IGF2BP2: variants seen among roughly 807,000 people sequenced by gnomAD.
IGF2BP2 encodes insulin like growth factor 2 mRNA binding protein 2.
IGF2BP2 carries 17 observed loss-of-function variants against 75.8 expected under a neutral mutation model. The ratio of observed to expected loss-of-function variants is 0.22; its 90% confidence interval spans 0.15 to 0.34. IGF2BP2 has a LOEUF of 0.34. Among genes scored for constraint, IGF2BP2 ranks in the 10% least tolerant of loss-of-function variants. IGF2BP2 has a pLI of 1.00. For missense variants in IGF2BP2, 516 were observed against 772.4 expected (o/e 0.67, Z 3.93); for synonymous variants, 288 against 295.6 (o/e 0.97, Z 0.26).
At chr3:185,658,227 A>T (rs1715776208) in intron 11 of IGF2BP2, 114 bp downstream of exon 11, 1 of 1,059,750 alleles carries the variant, frequency 9.4e-7, no homozygotes, top group African/African-American at 1.6e-5. Context: ...CCCAGGACAA[A>T]CCAGAACCAC....
chr3:185,781,731 G>A (rs1735224934), intron 2 of IGF2BP2, among the ~76,000 whole-genome samples: 1 of 151,964 alleles, frequency 6.6e-6, no homozygotes, highest in Admixed American at 6.6e-5. Context: ...TAAGAATTTT[G>A]TTTGTTTGCT....
At chr3:185,722,200 C>T in intron 2 of IGF2BP2, 5 of 455,096 alleles carry the variant, frequency 1.1e-5, no homozygotes, top group South Asian at 1.6e-5. Flanking sequence ...TCCCAAAGTG[C>T]TGGGACTACA....
intron 2 of IGF2BP2, among the ~76,000 whole-genome samples, chr3:185,709,584 T>A (rs970400664): frequency 2.0e-5 from 3 of 152,246 alleles, no homozygotes; most frequent in Non-Finnish European, 4.4e-5. Flanking sequence ...GCAGTTTACT[T>A]CTGAAAAGAA....
chr3:185,653,778 T>A (rs1251524167), intron 12 of IGF2BP2, among the ~76,000 whole-genome samples: 1 of 152,086 alleles, frequency 6.6e-6, no homozygotes, highest in African/African-American at 2.4e-5. Flanking sequence ...AGAAACATGG[T>A]CAATGACAGG....
At chr3:185,821,654 T>A (rs1741392587) in intron 2 of IGF2BP2, among the ~76,000 whole-genome samples, 2 of 152,200 alleles carry the variant, frequency 1.3e-5, no homozygotes, top group South Asian at 4.1e-4. Flanking sequence ...TTTTTACTAA[T>A]TATAACCCCC....
chr3:185,660,453 T>C (rs1279698924), intron 10 of IGF2BP2, among the ~76,000 whole-genome samples: 1 of 152,160 alleles, frequency 6.6e-6, no homozygotes, highest in Non-Finnish European at 1.5e-5. Flanking sequence ...TTTTTGAGCT[T>C]GGAATGAGAA....
chr3:185,762,785 T>C (rs990135467), intron 2 of IGF2BP2, among the ~76,000 whole-genome samples: 1 of 152,178 alleles, frequency 6.6e-6, no homozygotes, highest in Non-Finnish European at 1.5e-5. Flanking sequence ...GATGAGTTTC[T>C]TAATAATAGC....
chr3:185,803,697 A>C (rs1242199567), intron 2 of IGF2BP2, among the ~76,000 whole-genome samples: 1 of 152,250 alleles, frequency 6.6e-6, no homozygotes, highest in Non-Finnish European at 1.5e-5. Flanking sequence ...AGTTCACTGA[A>C]TAGTGAAATA....
chr3:185,708,341 AG>A (rs1724337996), intron 2 of IGF2BP2, among the ~76,000 whole-genome samples: 2 of 152,192 alleles, frequency 1.3e-5, no homozygotes, highest in African/African-American at 2.4e-5. Context: ...GCAAACCTTA[AG>A]AAAACGTGCC....
chr3:185,686,945 TCTGTTA>T (rs1721220377), intron 7 of IGF2BP2, 106 bp downstream of exon 7: 2 of 1,191,588 alleles, frequency 1.7e-6, no homozygotes, highest in Admixed American at 2.2e-5. Context: ...CCTCCCTGCC[TCTGTTA>T]CTGAGTAACA....
chr3:185,802,060 C>G (rs7633811), intron 2 of IGF2BP2, among the ~76,000 whole-genome samples: 58,979 of 151,638 alleles, frequency 0.39, 12,389 homozygotes, highest in African/African-American at 0.57. Flanking sequence ...AATACCTAAT[C>G]CATGTGGGGA....
intron 2 of IGF2BP2, among the ~76,000 whole-genome samples, chr3:185,790,849 A>G (rs1195597456): frequency 1.3e-5 from 2 of 152,238 alleles, no homozygotes; most frequent in Non-Finnish European, 2.9e-5. Context: ...CTTTATTTGA[A>G]AGGAAGAGAA....
chr3:185,701,928 G>A (rs887273638), intron 2 of IGF2BP2, among the ~76,000 whole-genome samples: 1 of 152,162 alleles, frequency 6.6e-6, no homozygotes, highest in Non-Finnish European at 1.5e-5. Flanking sequence ...TGGACAGTAT[G>A]CCTTCTCATC....
At chr3:185,701,174 C>G (rs191451162) in intron 2 of IGF2BP2, among the ~76,000 whole-genome samples, 1 of 151,850 alleles carries the variant, frequency 6.6e-6, no homozygotes, top group Admixed American at 6.6e-5. Context: ...TAGTGATCCT[C>G]CCACGTTGGC....
chr3:185,675,000 C>G (rs1719081609), intron 9 of IGF2BP2: 1 of 160,424 alleles, frequency 6.2e-6, no homozygotes. Context: ...CCCAGTTATT[C>G]TTGCTTTTCT....
intron 2 of IGF2BP2, among the ~76,000 whole-genome samples, chr3:185,805,111 G>C (rs1305550616): frequency 1.3e-5 from 2 of 152,044 alleles, no homozygotes; most frequent in Non-Finnish European, 2.9e-5. Flanking sequence ...TAGGCTCTTA[G>C]GCACACACAG....
intron 7 of IGF2BP2, among the ~76,000 whole-genome samples, chr3:185,685,767 G>A (rs1721031983): frequency 6.6e-6 from 1 of 152,104 alleles, no homozygotes; most frequent in African/African-American, 2.4e-5. Flanking sequence ...TCAGCCTCCT[G>A]AGTAGCCGAG....
At chr3:185,740,040 G>A (rs1729348923) in intron 2 of IGF2BP2, among the ~76,000 whole-genome samples, 1 of 151,800 alleles carries the variant, frequency 6.6e-6, no homozygotes, top group Non-Finnish European at 1.5e-5. Context: ...TACAGACGGG[G>A]TTGTGCCATG....
chr3:185,722,091 ATTT>A, intron 2 of IGF2BP2: 2 of 317,124 alleles, frequency 6.3e-6, no homozygotes, highest in Non-Finnish European at 1.2e-5. Context: ...ACCACATCTG[ATTT>A]TTTTTTTCTT....
Sources: gnomAD v4.1 joint callset for allele counts (sites outside exome capture counted in the v4.1 genomes callset) on GRCh38, gnomAD v4.1.1 for gene constraint, MANE v1.5 for transcripts, NCBI Gene and HGNC (gene_info 2026-07-23, HGNC 2026-07-21) for gene names.